CTIF: variants seen among roughly 807,000 people sequenced by gnomAD.
CTIF encodes CBP80/20-dependent translation initiation factor.
A neutral mutation model predicts 66.0 loss-of-function variants in CTIF; 21 were observed. The observed-to-expected ratio is 0.32, with a 90% CI of 0.23 to 0.46. The LOEUF (loss-of-function observed/expected upper bound fraction) is 0.46, where lower values mean the gene tolerates loss of function less well. CTIF is among the 20% of genes least tolerant of loss of function. The pLI is 1.00. For synonymous variants in CTIF, 345 were observed against 326.4 expected, an observed-to-expected ratio of 1.06 and a Z score of -0.62; for missense variants, 739 against 812.7, an observed-to-expected ratio of 0.91 and a Z score of 1.10.
In CTIF at chr18:48,547,384, A is replaced by G. The variant is rs111577669; in HGVS notation, c.-29+8072A>G. ...ATTGCAGTTGCTACTGGTCCTCTAG[A>G]CTGGGCACTACATTGTCTTCCCATG... On this transcript the variant is annotated intron_variant, in intron 1 of 11. Coordinates refer to ENST00000256413, the MANE Select transcript of CTIF (RefSeq NM_014772.3). Among the ~76,000 whole-genome samples the G allele has an allele frequency of 7.6e-3, 1,154 of 152,240 alleles. 11 individuals are homozygous for G. The highest frequency in any genetic ancestry group is 0.027 in the African/African-American group (1,110 of 41,538).
chr18:48,642,205 T>G (rs11082688), intron 3 of CTIF, among the ~76,000 whole-genome samples: 9,995 of 152,204 alleles, frequency 0.066, 393 homozygotes, highest in South Asian at 0.14. Context: ...CACTGCCAGT[T>G]TGTAGGGTAA....
chr18:48,660,512 A>G (rs1442304017), intron 3 of CTIF, among the ~76,000 whole-genome samples: 1 of 152,250 alleles, frequency 6.6e-6, no homozygotes, highest in Non-Finnish European at 1.5e-5. Flanking sequence ...AGCTGGGAGC[A>G]CATTTCCCTG....
chr18:48,757,630 T>C (rs1006266389), intron 7 of CTIF, among the ~76,000 whole-genome samples: 1 of 152,240 alleles, frequency 6.6e-6, no homozygotes, highest in African/African-American at 2.4e-5. Context: ...TTTTTAATTT[T>C]GTTCCACATG....
intron 7 of CTIF, among the ~76,000 whole-genome samples, chr18:48,717,358 A>G (rs574073101): frequency 6.6e-6 from 1 of 152,116 alleles, no homozygotes; most frequent in South Asian, 2.1e-4. Context: ...AGATCACGCC[A>G]TTGCACTCCA....
At chr18:48,771,647 T>G (rs1293727837) in intron 9 of CTIF, among the ~76,000 whole-genome samples, 1 of 152,172 alleles carries the variant, frequency 6.6e-6, no homozygotes, top group Non-Finnish European at 1.5e-5. Flanking sequence ...AAGCAGGCCC[T>G]GCAGATAAGT....
intron 10 of CTIF, among the ~76,000 whole-genome samples, chr18:48,837,003 G>A (rs1344143786): frequency 6.6e-6 from 1 of 152,242 alleles, no homozygotes; most frequent in Non-Finnish European, 1.5e-5. Flanking sequence ...GGAAGGGCAG[G>A]AAACTGAGGC....
At chr18:48,702,872 T>C (rs1465289568) in intron 6 of CTIF, among the ~76,000 whole-genome samples, 1 of 151,818 alleles carries the variant, frequency 6.6e-6, no homozygotes, top group African/African-American at 2.4e-5. Context: ...CCACACATCC[T>C]GCCCACGTGG....
intron 9 of CTIF, among the ~76,000 whole-genome samples, chr18:48,798,154 C>G (rs2067970301): frequency 6.6e-6 from 1 of 152,206 alleles, no homozygotes; most frequent in African/African-American, 2.4e-5. Context: ...TTATTTTTAT[C>G]TGGGGACACT....
chr18:48,754,831 A>G (rs9948711), intron 7 of CTIF, among the ~76,000 whole-genome samples: 121,518 of 152,260 alleles, frequency 0.8, 48,730 homozygotes, highest in African/African-American at 0.88. Context: ...TTCGAACCAG[A>G]AAGACATGGA....
chr18:48,788,527 ACAC>A (rs10594054), intron 9 of CTIF, among the ~76,000 whole-genome samples: 73,274 of 151,360 alleles, frequency 0.48, 18,022 homozygotes, highest in Admixed American at 0.55. Flanking sequence ...TCCCAGGGCC[ACAC>A]CACCTGAAGC....
intron 9 of CTIF, among the ~76,000 whole-genome samples, chr18:48,763,268 C>T (rs1447313049): frequency 1.3e-5 from 2 of 152,230 alleles, no homozygotes; most frequent in Non-Finnish European, 2.9e-5. Flanking sequence ...GACCCGGTGG[C>T]AGACAGGCAC....
At chr18:48,587,834 TG>T (rs748882430) in intron 1 of CTIF, among the ~76,000 whole-genome samples, 3 of 152,240 alleles carry the variant, frequency 2.0e-5, no homozygotes, top group Non-Finnish European at 4.4e-5. Context: ...TTGACGTTTT[TG>T]CATTCCATCA....
rs1466443981 is a variant in CTIF at position 48,801,462 on chromosome 18, A to G, written c.1372-15759A>G. On this transcript the variant is annotated intron_variant, in intron 9 of 11. Transcript: ENST00000256413. ...TTAGATAAAGGATGTGTGCACTCCCATTGCAGCTTCCTTGAGGGATAATGC... is the reference window on the plus strand; with the variant it reads ...TTAGATAAAGGATGTGTGCACTCCCGTTGCAGCTTCCTTGAGGGATAATGC... Among the ~76,000 whole-genome samples the G allele has an allele frequency of 7.9e-5, 12 of 152,294 alleles. No homozygotes were observed. In the East Asian group the frequency reaches 2.3e-3, roughly 29 times the overall value.
At chr18:48,851,403 G>T (rs768689573) in intron 10 of CTIF, among the ~76,000 whole-genome samples, 2 of 152,188 alleles carry the variant, frequency 1.3e-5, no homozygotes, top group Non-Finnish European at 1.5e-5. Flanking sequence ...GATTGTCAGG[G>T]CAAAGCGCTC....
chr18:48,663,921 G>C, intron 4 of CTIF, 96 bp downstream of exon 4: 2 of 1,127,014 alleles, frequency 1.8e-6, no homozygotes. Context: ...TCATGAGCAA[G>C]AGGCAGAGAG....
At chr18:48,792,425 A>G (rs1450006715) in intron 9 of CTIF, among the ~76,000 whole-genome samples, 1 of 152,192 alleles carries the variant, frequency 6.6e-6, no homozygotes, top group East Asian at 1.9e-4. Flanking sequence ...AGGGAAGGCA[A>G]GGTCTGACCT....
intron 10 of CTIF, among the ~76,000 whole-genome samples, chr18:48,853,089 C>T (rs942737136): frequency 6.6e-6 from 1 of 152,152 alleles, no homozygotes; most frequent in African/African-American, 2.4e-5. Context: ...CTCAGCTGGG[C>T]GAGTTTTCTC....
chr18:48,584,503 G>A (rs2089726130), intron 1 of CTIF, among the ~76,000 whole-genome samples: 1 of 152,178 alleles, frequency 6.6e-6, no homozygotes, highest in South Asian at 2.1e-4. Flanking sequence ...CCCATTGTGT[G>A]TGATGTAGGA....
chr18:48,642,881 C>T (rs1164442047), intron 3 of CTIF, among the ~76,000 whole-genome samples: 2 of 152,216 alleles, frequency 1.3e-5, no homozygotes, highest in East Asian at 3.8e-4. Context: ...CATGCATTGG[C>T]AGTTCAGTGC....
Sources: allele counts gnomAD v4.1 joint callset (sites outside exome capture counted in the v4.1 genomes callset), GRCh38; gene constraint gnomAD v4.1.1; transcripts MANE v1.5; gene names NCBI Gene and HGNC (gene_info 2026-07-23, HGNC 2026-07-21).